Variants in COG3 observed in about 807,000 individuals in gnomAD.
COG3 encodes conserved oligomeric Golgi complex subunit 3.
COG3 carries 32 observed loss-of-function variants against 114.1 expected under a neutral mutation model. The ratio of observed to expected loss-of-function variants is 0.28; its 90% CI spans 0.21 to 0.38. The LOEUF (loss-of-function observed/expected upper bound fraction) is 0.38. Among genes scored for constraint, COG3 ranks in the 10% least tolerant of loss-of-function variants. The pLI is 1.00. For missense variants in COG3, 813 were observed against 973.2 expected (o/e 0.84, Z 2.19); for synonymous variants, 352 against 365.7 (o/e 0.96, Z 0.43).
chr13:45,471,659 T>C (rs1055403929), intron 1 of COG3, among the ~76,000 whole-genome samples: 9 of 152,212 alleles, frequency 5.9e-5, no homozygotes, highest in African/African-American at 4.8e-5. Flanking sequence ...CGTTATATTC[T>C]GCCTGAAGAA....
intron 14 of COG3, among the ~76,000 whole-genome samples, chr13:45,503,784 T>C (rs1869813098): frequency 6.6e-6 from 1 of 152,106 alleles, no homozygotes; most frequent in Non-Finnish European, 1.5e-5. Context: ...CCAGGTTGTA[T>C]GTGGGGAAGG....
chr13:45,486,353 G>GGAGAGGGAGAGGGAGAAT lies in COG3; in HGVS notation c.844-126_844-125insATGAGAGGGAGAGGGAGA. 5 of 608,374 alleles carry GGAGAGGGAGAGGGAGAAT rather than the reference G, an allele frequency of 8.2e-6. 2 individuals carry two copies. In the African/African-American group the frequency reaches 1.1e-4, roughly 13 times the overall value. The allele number at this position is 608,374 out of a possible 1,614,324, so 37.7% of individuals were successfully genotyped here. On this transcript the variant is annotated intron_variant, in intron 7 of 22. Transcript: ENST00000349995. ...GAGACGGGAGACGGGAGAGGGAGAG[G>GGAGAGGGAGAGGGAGAAT]GAGAGGGAGAGGGAGACTCTCCCTA...
At chr13:45,522,176 G>A (rs1872231929) in intron 19 of COG3, among the ~76,000 whole-genome samples, 1 of 152,024 alleles carries the variant, frequency 6.6e-6, no homozygotes, top group African/African-American at 2.4e-5. Context: ...AGGTACAGAT[G>A]GGAAAGTCTT....
At chr13:45,513,730 ATTTAAGT>A (rs1871224873) in intron 16 of COG3, among the ~76,000 whole-genome samples, 2 of 151,696 alleles carry the variant, frequency 1.3e-5, no homozygotes, top group Non-Finnish European at 2.9e-5. Context: ...AGACAGGCAG[ATTTAAGT>A]TTTAACAAGT....
intron 1 of COG3, among the ~76,000 whole-genome samples, chr13:45,468,592 C>T (rs1026624024): frequency 5.3e-5 from 8 of 152,180 alleles, no homozygotes; most frequent in Non-Finnish European, 1.5e-5. Flanking sequence ...GTGGTTTTCT[C>T]CAACCCAGAA....
At chr13:45,480,648 C>T (rs1886194636) in intron 4 of COG3, among the ~76,000 whole-genome samples, 1 of 152,178 alleles carries the variant, frequency 6.6e-6, no homozygotes, top group African/African-American at 2.4e-5. Context: ...TCATTGCAAC[C>T]TCGGCCTCCT....
At chr13:45,486,305 G>A (rs1456408900) in intron 7 of COG3, among the ~76,000 whole-genome samples, 190 bp from the exon 8 acceptor site, 3 of 65,668 alleles carry the variant, frequency 4.6e-5, no homozygotes, top group Non-Finnish European at 8.9e-5. Context: ...GACGGGAGAC[G>A]GGAGACGGGA....
chr13:45,518,584 A>T (rs1252909887), intron 17 of COG3, among the ~76,000 whole-genome samples, 178 bp from the exon 18 acceptor site: 1 of 152,136 alleles, frequency 6.6e-6, no homozygotes, highest in Non-Finnish European at 1.5e-5. Flanking sequence ...CTAGAAAATA[A>T]CTCTGTGAGT....
chr13:45,490,998 T>C, intron 9 of COG3, 40 bp downstream of exon 9: 1 of 1,377,330 alleles, frequency 7.3e-7, no homozygotes, highest in Non-Finnish European at 1.0e-6. Flanking sequence ...ACATGAACCT[T>C]TGTCTTGTAG....
At position 45,490,929 on chromosome 13, in the gene COG3, A is replaced by G; in HGVS notation, c.939A>G (p.Gln313=). 2.5e-6 allele frequency: 4 copies of G among 1,599,272 alleles called. No homozygotes were observed. The highest frequency in any genetic ancestry group is 3.4e-6 in the Non-Finnish European group (4 of 1,169,944). ...TTACTTTGCAGACTCTTATTGAACAAATAGAACTGCGGTCTGAAAAAATAC... is the reference window on the plus strand; with the variant it reads ...TTACTTTGCAGACTCTTATTGAACAGATAGAACTGCGGTCTGAAAAAATAC... The part of the protein sequence containing the change: ...AAPKVRTLIE[Q]IELRSEKIPE... The change falls in exon 9 of 23, where the codon CAA becomes CAG. Residue 313 remains glutamine (Q), a synonymous_variant. Transcript: ENST00000349995.
At position 45,473,625 on chromosome 13, in the gene COG3, G is replaced by GAATAAT. The variant is rs929101446; in HGVS notation, c.175-2568_175-2563dup. On this transcript the variant is annotated intron_variant, in intron 1 of 22. Transcript: ENST00000349995. Reference sequence around the variant, plus strand: ...TTACTCTGTTGCTGCTATTAGATGGGAATAATAATAATATAATATCAGTAC... The same window carrying GAATAAT: ...TTACTCTGTTGCTGCTATTAGATGGGAATAATAATAATAATAATATAATATCAGTAC... Among the ~76,000 whole-genome samples, 3 of 152,174 alleles carry GAATAAT rather than the reference G, an allele frequency of 2.0e-5. No individual in the cohort carries two copies. In the East Asian group the frequency reaches 5.8e-4, roughly 29 times the overall value.
intron 16 of COG3, among the ~76,000 whole-genome samples, chr13:45,512,418 A>G (rs1870962728): frequency 6.6e-6 from 1 of 152,080 alleles, no homozygotes; most frequent in Non-Finnish European, 1.5e-5. Context: ...TGCAGCCTCT[A>G]TCTCCTGAGC....
chr13:45,526,076 A>AT (rs386379016), intron 20 of COG3, among the ~76,000 whole-genome samples: 3,043 of 56,014 alleles, frequency 0.054, 668 homozygotes, highest in Non-Finnish European at 0.072. Flanking sequence ...CAAAATTTTA[A>AT]TTTTTTTTTT....
At chr13:45,474,672 CTATTTT>C (rs757555665) in intron 1 of COG3, among the ~76,000 whole-genome samples, 2 of 152,110 alleles carry the variant, frequency 1.3e-5, no homozygotes, top group African/African-American at 2.4e-5. Context: ...ACAAAAAACT[CTATTTT>C]TAAAGGACAG....
chr13:45,473,850 C>G (rs1456052488), intron 1 of COG3, among the ~76,000 whole-genome samples: 8 of 152,296 alleles, frequency 5.3e-5, no homozygotes, highest in South Asian at 4.1e-4. Context: ...CTAGTGGCAG[C>G]ATACGGTTGC....
chr13:45,481,940 TTGAC>T lies in COG3; in HGVS notation c.625-438_625-435del, dbSNP rs1427497023. ...ATTTGTATATCAGGATAAGAAATGA[TTGAC>T]TGGTTGCATTTTACTTTCATAGTAT... On this transcript the variant is annotated intron_variant, in intron 5 of 22. Coordinates refer to ENST00000349995, the MANE Select transcript of COG3 (RefSeq NM_031431.4). Among the ~76,000 whole-genome samples, 27 of 152,294 alleles carry T rather than the reference TTGAC, an allele frequency of 1.8e-4. 1 individual carries two copies. Among genetic ancestry groups the T allele is most frequent in the South Asian group, 1.4e-3 (7 of 4,828 alleles).
intron 5 of COG3, 150 bp downstream of exon 5, chr13:45,481,454 G>A (rs557910656): frequency 1.0e-4 from 59 of 581,358 alleles, no homozygotes; most frequent in Middle Eastern, 4.7e-4. Flanking sequence ...AGACAGTGGA[G>A]ATACCATTAC....
At chr13:45,477,459 C>T (rs956189369) in intron 2 of COG3, among the ~76,000 whole-genome samples, 2 of 152,068 alleles carry the variant, frequency 1.3e-5, no homozygotes, top group African/African-American at 4.8e-5. Context: ...AGTGTATATA[C>T]CTATGTATGT....
intron 12 of COG3, among the ~76,000 whole-genome samples, chr13:45,495,145 CTTT>C (rs56237113): frequency 1.6e-4 from 17 of 108,754 alleles, no homozygotes; most frequent in Admixed American, 4.7e-4. Context: ...CGCCTGGCCT[CTTT>C]TTTTTTTTTT....
Sources: gnomAD v4.1 joint callset for allele counts (sites outside exome capture counted in the v4.1 genomes callset) on GRCh38, gnomAD v4.1.1 for gene constraint, MANE v1.5 for transcripts, NCBI Gene and HGNC (gene_info 2026-07-23, HGNC 2026-07-21) for gene names.